The following PLXNA4 variants were observed in gnomAD, a reference collection of about 807,000 sequenced individuals.
The protein encoded by PLXNA4 is plexin A4.
PLXNA4 carries 44 observed loss-of-function variants against 191.8 expected under a neutral mutation model. That is an observed-to-expected ratio of 0.23 (90% CI 0.18 to 0.29). The LOEUF (loss-of-function observed/expected upper bound fraction) is 0.29. PLXNA4 is among the 10% of genes least tolerant of loss of function. PLXNA4 has a pLI of 1.00. For synonymous variants in PLXNA4, 1,082 were observed against 1,009.5 expected (o/e 1.07, Z -1.36); for missense variants, 1,800 against 2,488.8 (o/e 0.72, Z 5.89).
At chr7:132,393,541 A>ACATT (rs747432994) in intron 3 of PLXNA4, among the ~76,000 whole-genome samples, 88 of 152,308 alleles carry the variant, frequency 5.8e-4, no homozygotes, top group African/African-American at 2.1e-3. Context: ...TGTTAGCTAA[A>ACATT]CATTCATTCA....
chr7:132,351,191 A>T (rs1440568431), intron 3 of PLXNA4, among the ~76,000 whole-genome samples: 1 of 152,214 alleles, frequency 6.6e-6, no homozygotes, highest in Non-Finnish European at 1.5e-5. Context: ...CAGCAATAAG[A>T]ATGTTCTAAA....
intron 30 of PLXNA4, among the ~76,000 whole-genome samples, chr7:132,139,415 T>C (rs1012306161): frequency 6.6e-6 from 1 of 152,230 alleles, no homozygotes; most frequent in African/African-American, 2.4e-5. Context: ...CCTTCTGGAC[T>C]CTTTTACTCT....
At chr7:132,539,489 G>C (rs569278314) in intron 1 of PLXNA4, among the ~76,000 whole-genome samples, 11 of 152,276 alleles carry the variant, frequency 7.2e-5, no homozygotes, top group African/African-American at 2.6e-4. Flanking sequence ...CTGTAGCTGG[G>C]TTCCAGCAAT....
chr7:132,172,722 C>T (rs1056307312), intron 21 of PLXNA4, among the ~76,000 whole-genome samples: 1 of 151,572 alleles, frequency 6.6e-6, no homozygotes, highest in African/African-American at 2.4e-5. Context: ...ATGTAACTAA[C>T]CTGCACATTG....
chr7:132,257,278 A>C lies in PLXNA4; in HGVS notation c.1504-16112T>G, dbSNP rs1799466262. Among the ~76,000 whole-genome samples, 4 of 152,244 alleles carry C rather than the reference A, an allele frequency of 2.6e-5. No individual in the cohort carries two copies. The South Asian group carries it at 8.3e-4, about 31-fold the overall frequency. On this transcript the variant is annotated intron_variant, in intron 4 of 31. Coordinates refer to ENST00000321063, the MANE Select transcript of PLXNA4 (RefSeq NM_020911.2). ...ACATCATGGACAATGATGAAGGCAG[A>C]GTTGGCTTGGAGAATTTCCATTCAA...
At chr7:132,438,487 C>T (rs1237896749) in intron 3 of PLXNA4, among the ~76,000 whole-genome samples, 1 of 152,104 alleles carries the variant, frequency 6.6e-6, no homozygotes, top group Non-Finnish European at 1.5e-5. Context: ...GTTCATATTA[C>T]CCAGTTAAAC....
chr7:132,580,880 A>G (rs1441501088), upstream of PLXNA4, among the ~76,000 whole-genome samples: 1 of 152,174 alleles, frequency 6.6e-6, no homozygotes, highest in African/African-American at 2.4e-5. Context: ...TCAGCAGCTT[A>G]AAAACCTAAA....
At chr7:132,403,653 C>T (rs1794089319) in intron 3 of PLXNA4, among the ~76,000 whole-genome samples, 1 of 152,156 alleles carries the variant, frequency 6.6e-6, no homozygotes, top group Non-Finnish European at 1.5e-5. Flanking sequence ...CACTCTCTCT[C>T]TCCAACCTCC....
Position 132,508,398 on chromosome 7 carries a change from C to A in PLXNA4, c.296G>T (p.Arg99Leu). ...GGGCTCATTGCAGGTCTGGACGATG[C>A]GGGGTGGGTAACACTTGGGGTTGTC... ...DEDNPKCYPP[R>L]IVQTCNEPLT... is the part of the protein sequence containing the mutation. Residue 99 changes from arginine to leucine, a missense_variant, in exon 2 of 32, where the codon CGC (arginine) becomes CTC (leucine). By Grantham distance (102) the Arg-to-Leu change is moderately radical. Around this residue, in one of 6 missense-constraint regions of PLXNA4, gnomAD observed 1,397 missense variants for 1,880.4 expected, o/e 0.74. Coordinates refer to ENST00000321063, the MANE Select transcript of PLXNA4 (RefSeq NM_020911.2). The surrounding 1 kb of genome is among the most constrained non-coding windows in gnomAD (Gnocchi z 4.4). The A allele has an allele frequency of 1.2e-6, 2 of 1,614,134 alleles. No homozygotes were observed. The highest frequency in any genetic ancestry group is 1.7e-6 in the Non-Finnish European group (2 of 1,180,028).
chr7:132,221,134 C>A (rs1798131519), intron 9 of PLXNA4, among the ~76,000 whole-genome samples: 1 of 152,066 alleles, frequency 6.6e-6, no homozygotes, highest in South Asian at 2.1e-4. Flanking sequence ...CCACGCCTGG[C>A]CTTATTTTAT....
chr7:132,339,193 C>T (rs1488014587), intron 3 of PLXNA4, among the ~76,000 whole-genome samples: 2 of 152,178 alleles, frequency 1.3e-5, no homozygotes, highest in African/African-American at 4.8e-5. Context: ...CTCCGCAAAA[C>T]ATAATGATTA....
chr7:132,247,142 G>A (rs1799087483), intron 4 of PLXNA4, among the ~76,000 whole-genome samples: 1 of 152,174 alleles, frequency 6.6e-6, no homozygotes, highest in Non-Finnish European at 1.5e-5. Flanking sequence ...CACTCTGCCT[G>A]TTGCTGCTCA....
chr7:132,239,428 G>A (rs1798807618), intron 5 of PLXNA4, among the ~76,000 whole-genome samples: 1 of 152,178 alleles, frequency 6.6e-6, no homozygotes, highest in Non-Finnish European at 1.5e-5. Context: ...GGCATGGAGT[G>A]TCAGGGAGGG....
chr7:132,540,347 CT>C (rs1235224948), intron 1 of PLXNA4, among the ~76,000 whole-genome samples: 2 of 152,132 alleles, frequency 1.3e-5, no homozygotes, highest in African/African-American at 4.8e-5. Context: ...ATTTCATTGT[CT>C]TATTTAACAT....
At chr7:132,179,032 GCACA>G (rs67794762) in intron 20 of PLXNA4, among the ~76,000 whole-genome samples, 13,750 of 61,504 alleles carry the variant, frequency 0.22, 1,736 homozygotes, top group South Asian at 0.48. Context: ...AGGCGCGCGC[GCACA>G]CACACACACA....
At chr7:132,554,317 C>T (rs77774576) in intron 1 of PLXNA4, among the ~76,000 whole-genome samples, 151 of 152,264 alleles carry the variant, frequency 9.9e-4, no homozygotes, top group African/African-American at 3.4e-3. Context: ...GAAGCAATGG[C>T]AAATCTCCCC....
chr7:132,565,683 G>A (rs747975522), intron 1 of PLXNA4, among the ~76,000 whole-genome samples: 9 of 152,040 alleles, frequency 5.9e-5, no homozygotes, highest in African/African-American at 9.7e-5. Context: ...ATAGTCCCCC[G>A]TGGGCCTGAG....
At chr7:132,562,617 C>CT (rs1801263288) in intron 1 of PLXNA4, among the ~76,000 whole-genome samples, 1 of 121,850 alleles carries the variant, frequency 8.2e-6, no homozygotes, top group Non-Finnish European at 1.7e-5. Flanking sequence ...CCTTCTCCTC[C>CT]TCTTCCTCCT....
chr7:132,413,464 G>C (rs1423889556), intron 3 of PLXNA4, among the ~76,000 whole-genome samples: 2 of 152,148 alleles, frequency 1.3e-5, no homozygotes, highest in Admixed American at 6.5e-5. Flanking sequence ...TCCAACATGT[G>C]ACAGATGTCA....
Sources: gnomAD v4.1 joint callset for allele counts (sites outside exome capture counted in the v4.1 genomes callset) on GRCh38, gnomAD v4.1.1 for gene constraint, gnomAD v4.1.1 regional missense constraint, Gnocchi (gnomAD v3.1) non-coding constraint, MANE v1.5 for transcripts, NCBI Gene and HGNC (gene_info 2026-07-23, HGNC 2026-07-21) for gene names.